The following MEI1 variants were observed in gnomAD, a reference collection of about 807,000 sequenced individuals.
MEI1 encodes the protein meiosis inhibitor protein 1.
Under a neutral mutation model 146.2 loss-of-function variants are expected in MEI1, and 103 were observed. That is an observed-to-expected ratio of 0.70 (90% CI 0.60 to 0.83). The LOEUF (loss-of-function observed/expected upper bound fraction) is 0.83. Ranked by LOEUF, MEI1 falls within the 40% of genes least tolerant of loss-of-function variation. The probability of loss-of-function intolerance (pLI) is 0.00; values close to 1 mark genes in which losing one functional copy is unlikely to be tolerated. For synonymous variants in MEI1, 652 were observed against 628.2 expected, an observed-to-expected ratio of 1.04 and a Z score of -0.57; for missense variants, 1,529 against 1,533.0, an observed-to-expected ratio of 1.00 and a Z score of 0.04.
At chr22:41,724,308 A>G (rs2071121412) in intron 7 of MEI1, among the ~76,000 whole-genome samples, 1 of 152,116 alleles carries the variant, frequency 6.6e-6, no homozygotes, top group South Asian at 2.1e-4. Flanking sequence ...GCAATATGGC[A>G]AAACCCTGTC....
At position 41,781,792 on chromosome 22, in the gene MEI1, G is replaced by T. The variant is rs1569316955; in HGVS notation, c.3034G>T (p.Ala1012Ser). The change falls in exon 24 of 31, where the codon GCC becomes TCC. Residue 1012 changes from alanine (A) to serine (S), a missense_variant. Physicochemically the swap from Ala to Ser is moderately conservative, Grantham distance 99. Transcript: ENST00000401548. ...TCCCAGGACTGCACTCCTCTGCTCT[G>T]CCTGGCTGCTCACTGCCTCCTTCTC... is the stretch of plus-strand genomic sequence containing the variant. ...DSPRTALLCSAWLLTASFSAQ... is the reference protein window; with the variant it reads ...DSPRTALLCSSWLLTASFSAQ... 1 of 1,613,996 alleles carries T rather than the reference G, an allele frequency of 6.2e-7. No homozygotes were observed. Among genetic ancestry groups the T allele is most frequent in the South Asian group, 1.1e-5 (1 of 91,076 alleles).
intron 11 of MEI1, among the ~76,000 whole-genome samples, chr22:41,737,910 T>TAA (rs112401658): frequency 2.6e-5 from 4 of 151,916 alleles, no homozygotes; most frequent in African/African-American, 9.7e-5. Context: ...CTTGAAATCT[T>TAA]AAAAAATAAT....
rs117483839 is a variant in MEI1, at chr22:41,771,355, C to A, written c.2544+394C>A. Among the ~76,000 whole-genome samples the A allele has an allele frequency of 8.6e-3, 1,308 of 152,294 alleles. 7 individuals carry two copies. Among genetic ancestry groups the A allele is most frequent in the Non-Finnish European group, 0.015 (1,043 of 68,024 alleles). On this transcript the variant is annotated intron_variant, in intron 20 of 30. Coordinates refer to ENST00000401548, the MANE Select transcript of MEI1 (RefSeq NM_152513.4). ...GGACATTTCTGATGGCAGAGGGACT[C>A]CTCCTCTTTTTTGCCATGACTTACA...
chr22:41,700,748 A>AATT (rs1346013292), intron 1 of MEI1, among the ~76,000 whole-genome samples: 14 of 80,706 alleles, frequency 1.7e-4, no homozygotes, highest in African/African-American at 1.0e-4. Flanking sequence ...AGCAGTTCTC[A>AATT]ATTTTTTTTT....
chr22:41,717,451 C>T (rs2070313081), intron 5 of MEI1, among the ~76,000 whole-genome samples: 1 of 152,034 alleles, frequency 6.6e-6, no homozygotes. Flanking sequence ...CCATGAGGCA[C>T]CATGCCCAGC....
intron 1 of MEI1, among the ~76,000 whole-genome samples, chr22:41,702,269 T>A (rs2068767293): frequency 6.6e-6 from 1 of 151,552 alleles, no homozygotes; most frequent in African/African-American, 2.4e-5. Flanking sequence ...GCCTTCTGAG[T>A]AGCTGGGATT....
At chr22:41,704,437 G>A (rs1482463992) in intron 2 of MEI1, among the ~76,000 whole-genome samples, 1 of 142,276 alleles carries the variant, frequency 7.0e-6, no homozygotes, top group Non-Finnish European at 1.5e-5. Flanking sequence ...TTTTTGAGAT[G>A]GTGTCTCGCT....
At chr22:41,724,374 T>C (rs1041180778) in intron 7 of MEI1, among the ~76,000 whole-genome samples, 1 of 149,764 alleles carries the variant, frequency 6.7e-6, no homozygotes, top group African/African-American at 2.5e-5. Flanking sequence ...AATCCCAGCG[T>C]TTTGGGAGGC....
At chr22:41,752,360 C>T (rs142167262) in intron 15 of MEI1, 3 of 529,468 alleles carry the variant, frequency 5.7e-6, no homozygotes, top group Non-Finnish European at 1.0e-5. Flanking sequence ...GTTCTCCATA[C>T]ATTTATCTTA....
intron 3 of MEI1, among the ~76,000 whole-genome samples, chr22:41,712,504 G>T (rs1039308577): frequency 7.9e-5 from 12 of 151,920 alleles, no homozygotes; most frequent in Non-Finnish European, 1.5e-4. Context: ...CAAAGTGCTG[G>T]GATTACAGGC....
rs943937191 is a variant in MEI1 at position 41,785,225 on chromosome 22, G to A, written c.3345+442G>A. ...GCTGGGATTACAGACGTGAGCCACC[G>A]CGCCTGGCATTTTTATTTTATTTAT... On this transcript the variant is annotated intron_variant, in intron 26 of 30. Coordinates refer to ENST00000401548, the MANE Select transcript of MEI1 (RefSeq NM_152513.4). 4.6e-5 allele frequency among the ~76,000 whole-genome samples: 7 copies of A among 150,720 alleles called. No homozygotes were observed. The South Asian group carries it at 6.3e-4, about 14-fold the overall frequency.
chr22:41,797,606 C>T (rs765679868), intron 30 of MEI1, among the ~76,000 whole-genome samples: 4 of 151,798 alleles, frequency 2.6e-5, no homozygotes, highest in South Asian at 2.1e-4. Context: ...AGCAAGACTC[C>T]GTCTCAAAAA....
intron 3 of MEI1, chr22:41,709,376 C>G (rs1477285661): frequency 2.8e-6 from 2 of 726,316 alleles, no homozygotes; most frequent in Non-Finnish European, 5.1e-6. Context: ...GGCTTGGGCT[C>G]TGGCTTTGGA....
chr22:41,761,177 G>A (rs1433478086), intron 18 of MEI1, among the ~76,000 whole-genome samples: 1 of 152,032 alleles, frequency 6.6e-6, no homozygotes, highest in African/African-American at 2.4e-5. Flanking sequence ...TGAGTGTGGT[G>A]GCGAGCGTCT....
At chr22:41,785,898 TTTTTATTTTTTATTTTA>T (rs2075959138) in intron 26 of MEI1, among the ~76,000 whole-genome samples, 3 of 139,206 alleles carry the variant, frequency 2.2e-5, no homozygotes, top group African/African-American at 7.6e-5. Flanking sequence ...TTTTTTTATT[TTTTTATTTTTTATTTTA>T]TTTTTTTTTT....
rs2075894135 is a variant in MEI1, at chr22:41,784,794, T to C, written c.3345+11T>C. 2 of 1,583,652 alleles carry C rather than the reference T, an allele frequency of 1.3e-6. No homozygotes were observed. Among genetic ancestry groups the C allele is most frequent in the African/African-American group, 2.7e-5 (2 of 74,474 alleles). On this transcript the variant is annotated intron_variant, in intron 26 of 30. Coordinates refer to ENST00000401548, the MANE Select transcript of MEI1 (RefSeq NM_152513.4). ...AACCTCCTGGTGCAGGTAAGGCCCTTGCTGAGTGGGGCTTGCTTCTCCCAG... is the reference window on the plus strand; with the variant it reads ...AACCTCCTGGTGCAGGTAAGGCCCTCGCTGAGTGGGGCTTGCTTCTCCCAG...
chr22:41,772,983 CACTA>C (rs1261248583), intron 20 of MEI1, among the ~76,000 whole-genome samples: 1 of 152,228 alleles, frequency 6.6e-6, no homozygotes, highest in Non-Finnish European at 1.5e-5. Flanking sequence ...AGAGGTCCCT[CACTA>C]ACTGAAGGCT....
chr22:41,733,770 A>G lies in MEI1; in HGVS notation c.1331+1167A>G, dbSNP rs578206496. Among the ~76,000 whole-genome samples the G allele has an allele frequency of 1.1e-4, 17 of 152,218 alleles. No homozygotes were observed. In the South Asian group the frequency reaches 3.5e-3, roughly 32 times the overall value. ...ACAAAACAAAACACCCAAACAGTAT[A>G]ATAACTATTTATATAGCATTTGCAT... On this transcript the variant is annotated intron_variant, in intron 11 of 30. Transcript: ENST00000401548.
chr22:41,766,092 C>T (rs1189755662), intron 19 of MEI1, among the ~76,000 whole-genome samples: 5 of 151,652 alleles, frequency 3.3e-5, no homozygotes, highest in Admixed American at 1.3e-4. Context: ...GGGGTTTCAC[C>T]GTATTAGCCA....
Sources: allele counts gnomAD v4.1 joint callset (sites outside exome capture counted in the v4.1 genomes callset), GRCh38; gene constraint gnomAD v4.1.1; transcripts MANE v1.5; gene names NCBI Gene and HGNC (gene_info 2026-07-23, HGNC 2026-07-21).